The following STIM1 variants were observed in gnomAD, a reference collection of about 807,000 sequenced individuals.
STIM1 encodes stromal interaction molecule 1.
STIM1 carries 25 observed loss-of-function variants against 74.7 expected under a neutral mutation model. The ratio of observed to expected loss-of-function variants is 0.33; its 90% CI spans 0.24 to 0.47. The LOEUF (loss-of-function observed/expected upper bound fraction) is 0.47. Ranked by LOEUF, STIM1 falls within the 20% of genes least tolerant of loss-of-function variation. The probability of loss-of-function intolerance (pLI) is 1.00; values close to 1 mark genes in which losing one functional copy is unlikely to be tolerated. For synonymous variants in STIM1, 328 were observed against 348.8 expected, an observed-to-expected ratio of 0.94 and a Z score of 0.66; for missense variants, 728 against 920.8, an observed-to-expected ratio of 0.79 and a Z score of 2.71.
chr11:4,069,072 G>A (rs2094386983), intron 5 of STIM1, among the ~76,000 whole-genome samples: 1 of 152,120 alleles, frequency 6.6e-6, no homozygotes, highest in Non-Finnish European at 1.5e-5. Flanking sequence ...TGAGCCCACA[G>A]CAAAACCTAG....
At chr11:3,994,613 C>T (rs1462704193) in intron 2 of STIM1, among the ~76,000 whole-genome samples, 1 of 151,964 alleles carries the variant, frequency 6.6e-6, no homozygotes, top group African/African-American at 2.4e-5. Flanking sequence ...GCGTACACCA[C>T]CACACCCGGC....
intron 1 of STIM1, among the ~76,000 whole-genome samples, chr11:3,864,526 CATG>C (rs1192452481): frequency 6.6e-6 from 1 of 152,192 alleles, no homozygotes; most frequent in Non-Finnish European, 1.5e-5. Context: ...CTATACTGGA[CATG>C]ATGATTGGTT....
intron 7 of STIM1, among the ~76,000 whole-genome samples, chr11:4,078,834 G>C (rs984322236): frequency 6.6e-6 from 1 of 151,766 alleles, no homozygotes; most frequent in Non-Finnish European, 1.5e-5. Flanking sequence ...GCCTCCCAAA[G>C]TGCTGGGATT....
rs371302349 is a variant in STIM1 at position 3,928,599 on chromosome 11, G to T, written c.140-38953G>T. On this transcript the variant is annotated intron_variant, in intron 1 of 12. Coordinates refer to ENST00000526596, the MANE Select transcript of STIM1 (RefSeq NM_001382567.1). ...TTTGTAGTTTAGCCCGGGGATGTGT[G>T]TGTGTGTGCGCGTGTGTGCATGTGT... Among the ~76,000 whole-genome samples, 44 of 152,170 alleles carry T rather than the reference G, an allele frequency of 2.9e-4. No individual in the cohort carries two copies. In the East Asian group the frequency reaches 5.6e-3, roughly 19 times the overall value.
At chr11:3,858,233 GT>G (rs370455770) in intron 1 of STIM1, among the ~76,000 whole-genome samples, 34,760 of 145,668 alleles carry the variant, frequency 0.24, 4,693 homozygotes, top group South Asian at 0.37. Context: ...TATTAGGAAG[GT>G]TTTTTTTTTT....
rs930267811 is a variant in STIM1, at chr11:3,913,241, GCAGTGGTGT to G, written c.140-54308_140-54300del. ...GTCTTGCTGTCGCCCAGGCTGCAAT[GCAGTGGTGT>G]CATCACCACTCACTGCAGCCTTGAT... On this transcript the variant is annotated intron_variant, in intron 1 of 12. Coordinates refer to ENST00000526596, the MANE Select transcript of STIM1 (RefSeq NM_001382567.1). Among the ~76,000 whole-genome samples, 40 of 151,618 alleles carry G rather than the reference GCAGTGGTGT, an allele frequency of 2.6e-4. 1 individual carries two copies. Among genetic ancestry groups the G allele is most frequent in the African/African-American group, 9.7e-4 (40 of 41,382 alleles).
intron 1 of STIM1, among the ~76,000 whole-genome samples, chr11:3,895,687 T>TTCCTTCC (rs1565104966): frequency 7.4e-5 from 2 of 26,924 alleles, no homozygotes; most frequent in Non-Finnish European, 1.3e-4. Context: ...TCCTTCCTTC[T>TTCCTTCC]TTCTTTCTTT....
intron 1 of STIM1, among the ~76,000 whole-genome samples, chr11:3,940,619 T>C (rs1391939006): frequency 6.6e-6 from 1 of 152,116 alleles, no homozygotes; most frequent in African/African-American, 2.4e-5. Flanking sequence ...GGAAGCAGCA[T>C]ACCCCCATGC....
intron 1 of STIM1, among the ~76,000 whole-genome samples, chr11:3,932,443 A>T (rs2092877211): frequency 6.6e-6 from 1 of 152,114 alleles, no homozygotes; most frequent in African/African-American, 2.4e-5. Context: ...CGGGTGGATC[A>T]CGAGGTCAGG....
At chr11:3,913,542 G>C (rs145869313) in intron 1 of STIM1, among the ~76,000 whole-genome samples, 1 of 152,106 alleles carries the variant, frequency 6.6e-6, no homozygotes, top group Non-Finnish European at 1.5e-5. Context: ...TATGCACCGG[G>C]TTCCTGACTG....
At chr11:3,881,293 G>T (rs921274134) in intron 1 of STIM1, among the ~76,000 whole-genome samples, 9 of 151,996 alleles carry the variant, frequency 5.9e-5, no homozygotes, top group Admixed American at 6.5e-5. Context: ...TCTGTGTTTT[G>T]TCTGTATAGA....
At chr11:4,055,345 T>C (rs1196646013) in intron 3 of STIM1, among the ~76,000 whole-genome samples, 181 bp from the exon 4 acceptor site, 1 of 152,230 alleles carries the variant, frequency 6.6e-6, no homozygotes, top group Non-Finnish European at 1.5e-5. Flanking sequence ...CACTATAGAT[T>C]TGTCTTTTCT....
At chr11:3,994,908 C>T (rs890431854) in intron 2 of STIM1, among the ~76,000 whole-genome samples, 1 of 152,048 alleles carries the variant, frequency 6.6e-6, no homozygotes, top group African/African-American at 2.4e-5. Flanking sequence ...TTCCTGCTGC[C>T]AGTTCAGATC....
intron 1 of STIM1, among the ~76,000 whole-genome samples, chr11:3,895,672 T>C (rs2092071880): frequency 5.1e-5 from 2 of 39,482 alleles, no homozygotes; most frequent in African/African-American, 3.0e-4. Context: ...CTTTCTTTCT[T>C]TCCTTCCTTC....
chr11:3,876,473 G>A (rs756605864), intron 1 of STIM1, among the ~76,000 whole-genome samples: 62 of 152,164 alleles, frequency 4.1e-4, no homozygotes, highest in Non-Finnish European at 7.2e-4. Context: ...TGGTATGATC[G>A]TGGTTCACTG....
At chr11:3,972,861 GT>G in intron 2 of STIM1, 1 of 478,902 alleles carries the variant, frequency 2.1e-6, no homozygotes, top group Non-Finnish European at 4.1e-6. Flanking sequence ...TTGGTTTTGT[GT>G]TTTGGCCAGT....
chr11:3,951,639 G>A (rs964891281), intron 1 of STIM1, among the ~76,000 whole-genome samples: 2 of 152,150 alleles, frequency 1.3e-5, no homozygotes, highest in Non-Finnish European at 2.9e-5. Context: ...TTGGGAACCA[G>A]CCTTACTGAT....
intron 2 of STIM1, among the ~76,000 whole-genome samples, chr11:3,975,038 C>G (rs572304466): frequency 6.6e-6 from 1 of 152,138 alleles, no homozygotes; most frequent in Non-Finnish European, 1.5e-5. Context: ...AGGCACTATT[C>G]GAAGGCTAGG....
chr11:3,856,221 G>T lies in STIM1; in HGVS notation c.-50G>T. The T allele has an allele frequency of 3.7e-6, 6 of 1,612,344 alleles. No homozygotes were observed. The highest frequency in any genetic ancestry group is 5.1e-6 in the Non-Finnish European group (6 of 1,179,298). On this transcript the variant is annotated 5_prime_UTR_variant, in exon 1 of 13. Coordinates refer to ENST00000526596, the MANE Select transcript of STIM1 (RefSeq NM_001382567.1). ...CTCCCGGGCTCCTGGCTTTGCCTCT[G>T]GGATCCCGAGGTGTCCACATCAGAC...
Sources: allele counts gnomAD v4.1 joint callset (sites outside exome capture counted in the v4.1 genomes callset), GRCh38; gene constraint gnomAD v4.1.1; transcripts MANE v1.5; gene names NCBI Gene and HGNC (gene_info 2026-07-23, HGNC 2026-07-21).